DTD1: variants seen among roughly 807,000 people sequenced by gnomAD.
The protein encoded by DTD1 is D-aminoacyl-tRNA deacylase 1, also known as D-tyrosyl-tRNA deacylase 1 homolog.
DTD1 carries 13 observed loss-of-function variants against 25.6 expected under a neutral mutation model. The observed-to-expected ratio is 0.51, with a 90% CI of 0.33 to 0.81. The LOEUF (loss-of-function observed/expected upper bound fraction) is 0.81. DTD1 is among the 30% of genes least tolerant of loss of function. The pLI is 0.02. For missense variants in DTD1, 193 were observed against 266.4 expected, an observed-to-expected ratio of 0.72 and a Z score of 1.92; for synonymous variants, 110 against 103.6, an observed-to-expected ratio of 1.06 and a Z score of -0.37.
chr20:18,709,484 C>T (rs1217710348), intron 4 of DTD1, among the ~76,000 whole-genome samples: 1 of 152,172 alleles, frequency 6.6e-6, no homozygotes, highest in Non-Finnish European at 1.5e-5. Flanking sequence ...TACCAACCAT[C>T]TACCTGGCTC....
intron 4 of DTD1, among the ~76,000 whole-genome samples, chr20:18,666,517 T>C (rs947485848): frequency 8.5e-5 from 13 of 152,230 alleles, no homozygotes; most frequent in Non-Finnish European, 1.6e-4. Flanking sequence ...CAAGAAATTT[T>C]TTTTTAGTGT....
At chr20:18,595,695 G>T (rs568619631) in intron 2 of DTD1, among the ~76,000 whole-genome samples, 2 of 152,296 alleles carry the variant, frequency 1.3e-5, no homozygotes, top group South Asian at 2.1e-4. Flanking sequence ...CGACCTAAAG[G>T]AGCAGAGAAT....
At chr20:18,644,231 A>T (rs573429231) in intron 4 of DTD1, among the ~76,000 whole-genome samples, 1 of 37,658 alleles carries the variant, frequency 2.7e-5, no homozygotes, top group African/African-American at 5.4e-5. Context: ...TATTTCAAAC[A>T]TACTAGATCT....
At chr20:18,753,891 C>T (rs559783169) in intron 5 of DTD1, among the ~76,000 whole-genome samples, 3 of 152,274 alleles carry the variant, frequency 2.0e-5, no homozygotes, top group South Asian at 4.1e-4. Context: ...TCTTTTGACA[C>T]TTCAGTGGAG....
intron 4 of DTD1, among the ~76,000 whole-genome samples, chr20:18,688,032 T>A (rs1219345344): frequency 6.6e-6 from 1 of 152,266 alleles, no homozygotes; most frequent in African/African-American, 2.4e-5. Context: ...AACAGTCTGA[T>A]GCCAGCGGCT....
At chr20:18,669,303 C>T (rs980870224) in intron 4 of DTD1, among the ~76,000 whole-genome samples, 1 of 152,134 alleles carries the variant, frequency 6.6e-6, no homozygotes, top group Non-Finnish European at 1.5e-5. Context: ...CAAGGGTCTG[C>T]CCTTGATGCT....
At chr20:18,623,428 T>G (rs898050302) in intron 3 of DTD1, among the ~76,000 whole-genome samples, 1 of 152,162 alleles carries the variant, frequency 6.6e-6, no homozygotes, top group African/African-American at 2.4e-5. Flanking sequence ...AATGAGTGTG[T>G]GATTTATTTG....
intron 5 of DTD1, among the ~76,000 whole-genome samples, chr20:18,747,855 C>CAA (rs11483388): frequency 0.35 from 50,256 of 142,194 alleles, 9,050 homozygotes; most frequent in East Asian, 0.51. Flanking sequence ...ATAAAAAATA[C>CAA]AAAAAAAAAA....
At chr20:18,693,065 G>C (rs1221057872) in intron 4 of DTD1, among the ~76,000 whole-genome samples, 1 of 151,662 alleles carries the variant, frequency 6.6e-6, no homozygotes, top group Non-Finnish European at 1.5e-5. Flanking sequence ...TAATTTTTTT[G>C]TCTTTTTAGT....
intron 1 of DTD1, among the ~76,000 whole-genome samples, chr20:18,590,426 T>A (rs1215532466): frequency 6.6e-6 from 1 of 152,192 alleles, no homozygotes; most frequent in African/African-American, 2.4e-5. Context: ...AGTAACCCTG[T>A]AATATCATTT....
intron 4 of DTD1, among the ~76,000 whole-genome samples, chr20:18,676,966 C>T (rs1325967329): frequency 6.6e-6 from 1 of 152,180 alleles, no homozygotes; most frequent in East Asian, 1.9e-4. Flanking sequence ...CCGTGCGTTT[C>T]TCTTGTTTTT....
At chr20:18,741,726 T>TA (rs1158926211) in intron 4 of DTD1, among the ~76,000 whole-genome samples, 59 of 151,700 alleles carry the variant, frequency 3.9e-4, no homozygotes, top group African/African-American at 1.4e-3. Flanking sequence ...TTTTTTTAAT[T>TA]AAAAAAAATT....
At chr20:18,716,197 T>C (rs2061180059) in intron 4 of DTD1, among the ~76,000 whole-genome samples, 1 of 152,230 alleles carries the variant, frequency 6.6e-6, no homozygotes, top group Non-Finnish European at 1.5e-5. Context: ...CCTCCAAATA[T>C]TGGTTCAGGA....
intron 4 of DTD1, among the ~76,000 whole-genome samples, chr20:18,732,899 C>T (rs939420949): frequency 2.6e-5 from 4 of 152,160 alleles, no homozygotes; most frequent in Non-Finnish European, 5.9e-5. Flanking sequence ...TATGTAGACA[C>T]GTAAACCAAT....
At chr20:18,687,407 G>T (rs934804624) in intron 4 of DTD1, among the ~76,000 whole-genome samples, 1 of 152,210 alleles carries the variant, frequency 6.6e-6, no homozygotes, top group Admixed American at 6.5e-5. Context: ...ACTTGTACAG[G>T]AGTGTAGTTT....
At chr20:18,623,194 C>T (rs1007606509) in intron 3 of DTD1, among the ~76,000 whole-genome samples, 5 of 152,074 alleles carry the variant, frequency 3.3e-5, no homozygotes, top group Non-Finnish European at 7.4e-5. Flanking sequence ...CCGCCTCAGC[C>T]TCTCAAAGTG....
chr20:18,701,906 C>T (rs1046051081), intron 4 of DTD1, among the ~76,000 whole-genome samples: 6 of 152,194 alleles, frequency 3.9e-5, no homozygotes, highest in African/African-American at 7.2e-5. Context: ...GAACAGAATA[C>T]GTTCTTGGTT....
intron 4 of DTD1, among the ~76,000 whole-genome samples, chr20:18,676,207 C>T (rs546070215): frequency 6.6e-6 from 1 of 152,188 alleles, no homozygotes; most frequent in East Asian, 1.9e-4. Flanking sequence ...CAGACATGTC[C>T]AAGGTTTCGA....
At chr20:18,647,579 A>C (rs371021018) in intron 4 of DTD1, among the ~76,000 whole-genome samples, 1 of 152,116 alleles carries the variant, frequency 6.6e-6, no homozygotes, top group African/African-American at 2.4e-5. Flanking sequence ...GGACACGAGC[A>C]TGGAGGCTTG....
Sources: allele counts gnomAD v4.1 joint callset (sites outside exome capture counted in the v4.1 genomes callset), GRCh38; gene constraint gnomAD v4.1.1; transcripts MANE v1.5; gene names NCBI Gene and HGNC (gene_info 2026-07-23, HGNC 2026-07-21).